DPP6: variants seen among roughly 807,000 people sequenced by gnomAD.
DPP6 encodes the protein dipeptidyl peptidase like 6.
In DPP6, 69 loss-of-function variants were observed where a neutral mutation model predicts 122.6. The observed-to-expected ratio is 0.56, with a 90% CI of 0.46 to 0.69. The LOEUF (loss-of-function observed/expected upper bound fraction) is 0.69, where lower values mean the gene tolerates loss of function less well. Ranked by LOEUF, DPP6 falls within the 30% of genes least tolerant of loss-of-function variation. DPP6 has a pLI of 0.00. For missense variants in DPP6, 928 were observed against 1,116.9 expected (o/e 0.83, Z 2.41); for synonymous variants, 418 against 433.1 (o/e 0.97, Z 0.43).
the DPP6 span, among the ~76,000 whole-genome samples, chr7:153,869,588 G>T: frequency 6.6e-6 from 1 of 152,088 alleles, no homozygotes; most frequent in Non-Finnish European, 1.5e-5. Context: ...CACACTGATG[G>T]GTCTTGACTC....
At chr7:154,292,534 C>A (rs1045344769) in intron 1 of DPP6, among the ~76,000 whole-genome samples, 3 of 152,256 alleles carry the variant, frequency 2.0e-5, no homozygotes, top group African/African-American at 7.2e-5. Flanking sequence ...GTTGATTTGG[C>A]AGTTTGGTAT....
intron 1 of DPP6, among the ~76,000 whole-genome samples, chr7:153,950,298 A>G (rs72617384): frequency 0.28 from 42,713 of 151,954 alleles, 6,499 homozygotes; most frequent in East Asian, 0.59. Context: ...GGCGGCATGT[A>G]GAAAAATAAC....
At chr7:153,803,103 G>A in the DPP6 span, among the ~76,000 whole-genome samples, 7 of 151,756 alleles carry the variant, frequency 4.6e-5, no homozygotes, top group Non-Finnish European at 1.0e-4. Context: ...CTGGTAACCA[G>A]CGTGCCCGCA....
rs190534601 is a variant in DPP6 at position 154,399,966 on chromosome 7, G to A, written c.244-46248G>A. ...AGAGTTTGCCAAGGTCAAACAGGCCGAGAAGTCTAGGTGTGTTGGGGGAAG... is the reference window on the plus strand; with the variant it reads ...AGAGTTTGCCAAGGTCAAACAGGCCAAGAAGTCTAGGTGTGTTGGGGGAAG... On this transcript the variant is annotated intron_variant, in intron 1 of 25. Coordinates refer to ENST00000377770, the MANE Select transcript of DPP6 (RefSeq NM_130797.4). Among the ~76,000 whole-genome samples, 8 of 152,306 alleles carry A rather than the reference G, an allele frequency of 5.3e-5. No homozygotes were observed. In the East Asian group the frequency reaches 1.4e-3, roughly 26 times the overall value.
At chr7:153,777,260 G>T in the DPP6 span, among the ~76,000 whole-genome samples, 6 of 152,268 alleles carry the variant, frequency 3.9e-5, no homozygotes, top group South Asian at 2.1e-4. Context: ...TTCAAGCAAG[G>T]TCACAGAGCA....
rs1292918725 is a variant in DPP6 at position 154,404,216 on chromosome 7, AC to A, written c.244-41997del. ...CACTTCACTCCTCCCTCTGCATAGG[AC>A]TGTAATTGGTACTCAAGGAGAACAC... is the stretch of plus-strand genomic sequence containing the variant. On this transcript the variant is annotated intron_variant, in intron 1 of 25. Transcript: ENST00000377770. 3.9e-5 allele frequency among the ~76,000 whole-genome samples: 6 copies of A among 152,190 alleles called. No homozygotes were observed. The South Asian group carries it at 8.3e-4, about 21-fold the overall frequency.
chr7:154,460,551 G>T (rs1388154634), intron 2 of DPP6, among the ~76,000 whole-genome samples: 1 of 152,060 alleles, frequency 6.6e-6, no homozygotes, highest in Non-Finnish European at 1.5e-5. Context: ...ATGCTTAAAA[G>T]ACTTTCTTCT....
intron 1 of DPP6, among the ~76,000 whole-genome samples, chr7:154,333,406 T>C (rs1178360675): frequency 1.3e-5 from 2 of 152,222 alleles, no homozygotes; most frequent in African/African-American, 4.8e-5. Flanking sequence ...AGCAACATAG[T>C]GACAGTTACT....
chr7:154,494,987 TAGAG>T (rs527307384), intron 3 of DPP6, among the ~76,000 whole-genome samples: 1 of 152,148 alleles, frequency 6.6e-6, no homozygotes, highest in Admixed American at 6.5e-5. Flanking sequence ...TGTAGGAGCT[TAGAG>T]AGAGTCTCGT....
intron 1 of DPP6, among the ~76,000 whole-genome samples, chr7:154,045,736 G>A (rs7790033): frequency 0.18 from 26,805 of 152,080 alleles, 3,660 homozygotes; most frequent in African/African-American, 0.38. Context: ...TTGAGAAAAC[G>A]GCATCTATTC....
intron 1 of DPP6, among the ~76,000 whole-genome samples, chr7:154,364,943 T>G (rs1812029597): frequency 6.6e-6 from 1 of 152,170 alleles, no homozygotes; most frequent in Non-Finnish European, 1.5e-5. Flanking sequence ...AGGATAAGCT[T>G]CTTTCTATTA....
At chr7:154,277,269 C>T (rs1804204044) in intron 1 of DPP6, among the ~76,000 whole-genome samples, 1 of 152,102 alleles carries the variant, frequency 6.6e-6, no homozygotes, top group African/African-American at 2.4e-5. Context: ...AATATTGCAT[C>T]CATGAATAAT....
intron 1 of DPP6, among the ~76,000 whole-genome samples, chr7:154,334,188 GA>G (rs11302452): frequency 0.62 from 90,649 of 145,650 alleles, 27,772 homozygotes; most frequent in East Asian, 0.73. Context: ...ACAGAAAATG[GA>G]AAAAAAAAAA....
chr7:154,361,286 C>T (rs575533256), intron 1 of DPP6, among the ~76,000 whole-genome samples: 240 of 152,266 alleles, frequency 1.6e-3, no homozygotes, highest in Non-Finnish European at 2.7e-3. Flanking sequence ...GCACACTGCC[C>T]ACCATCTGCT....
intron 1 of DPP6, among the ~76,000 whole-genome samples, chr7:154,363,482 G>A (rs1348634744): frequency 6.6e-6 from 1 of 152,150 alleles, no homozygotes; most frequent in Non-Finnish European, 1.5e-5. Context: ...AAATGCTGAG[G>A]TTGGGAGCCT....
At chr7:154,234,141 A>G (rs4483071) in intron 1 of DPP6, among the ~76,000 whole-genome samples, 131,722 of 152,192 alleles carry the variant, frequency 0.87, 57,208 homozygotes, top group African/African-American at 0.92. Context: ...AATGTGGCCC[A>G]TGTAGCCTCT....
chr7:154,649,444 C>G (rs572037414), intron 6 of DPP6, among the ~76,000 whole-genome samples: 70 of 152,334 alleles, frequency 4.6e-4, no homozygotes, highest in South Asian at 1.2e-3. Flanking sequence ...TAACTAGATT[C>G]TAAAGTGCCC....
At chr7:154,230,653 G>A (rs773167008) in intron 1 of DPP6, among the ~76,000 whole-genome samples, 3 of 152,216 alleles carry the variant, frequency 2.0e-5, no homozygotes, top group African/African-American at 4.8e-5. Flanking sequence ...CCCAAAAGCT[G>A]TCTGAGCCTC....
chr7:154,521,367 G>GT (rs201214693), intron 3 of DPP6, among the ~76,000 whole-genome samples: 19,228 of 143,344 alleles, frequency 0.13, 1,453 homozygotes, highest in Non-Finnish European at 0.18. Flanking sequence ...CAAATAAATT[G>GT]TTTTTTTTTT....
Sources: gnomAD v4.1 joint callset for allele counts (sites outside exome capture counted in the v4.1 genomes callset) on GRCh38, gnomAD v4.1.1 for gene constraint, MANE v1.5 for transcripts, NCBI Gene and HGNC (gene_info 2026-07-23, HGNC 2026-07-21) for gene names.